The following RPS6KA2 variants were observed in gnomAD, a reference collection of about 807,000 sequenced individuals.
RPS6KA2 encodes the protein ribosomal protein S6 kinase A2.
RPS6KA2 carries 42 observed loss-of-function variants against 91.8 expected under a neutral mutation model. The ratio of observed to expected loss-of-function variants is 0.46; its 90% CI spans 0.36 to 0.59. The LOEUF is 0.59. Ranked by LOEUF, RPS6KA2 falls within the 20% of genes least tolerant of loss-of-function variation. The pLI is 0.00. For synonymous variants in RPS6KA2, 414 were observed against 393.6 expected, an observed-to-expected ratio of 1.05 and a Z score of -0.61; for missense variants, 798 against 978.5, an observed-to-expected ratio of 0.82 and a Z score of 2.46.
chr6:166,818,160 T>C (rs1384738211), intron 2 of RPS6KA2, among the ~76,000 whole-genome samples: 3 of 140,640 alleles, frequency 2.1e-5, no homozygotes, highest in African/African-American at 6.5e-5. Context: ...ATTAATATAA[T>C]GATATTATTA....
intron 6 of RPS6KA2, among the ~76,000 whole-genome samples, chr6:166,502,673 C>T (rs781156333): frequency 2.0e-4 from 30 of 152,332 alleles, no homozygotes; most frequent in Non-Finnish European, 2.6e-4. Context: ...TCTGGGATGA[C>T]CTTGGCAACG....
At chr6:166,681,692 C>CCCCCG (rs1562380114) in intron 2 of RPS6KA2, among the ~76,000 whole-genome samples, 1 of 3,074 alleles carries the variant, frequency 3.3e-4, no homozygotes, top group African/African-American at 5.5e-4. Context: ...CCCTGCCCGC[C>CCCCCG]CCCCCCCCCG....
intron 16 of RPS6KA2, among the ~76,000 whole-genome samples, chr6:166,429,962 C>T (rs59615523): frequency 0.011 from 1,501 of 142,182 alleles, 21 homozygotes; most frequent in African/African-American, 0.034. Context: ...TTTTTCTTTT[C>T]TTTTTTTTTT....
intron 14 of RPS6KA2, among the ~76,000 whole-genome samples, chr6:166,443,618 T>TA (rs1332055077): frequency 6.6e-6 from 1 of 152,232 alleles, no homozygotes; most frequent in African/African-American, 2.4e-5. Context: ...GTGAAATTCT[T>TA]ACGGTAGTGC....
intron 2 of RPS6KA2, among the ~76,000 whole-genome samples, chr6:166,777,058 G>T (rs1330813376): frequency 6.6e-6 from 1 of 152,104 alleles, no homozygotes; most frequent in African/African-American, 2.4e-5. Flanking sequence ...TCAAGCTTGG[G>T]TTTTAATATG....
chr6:166,487,552 A>G (rs1464339313), intron 10 of RPS6KA2, among the ~76,000 whole-genome samples: 1 of 152,252 alleles, frequency 6.6e-6, no homozygotes, highest in Non-Finnish European at 1.5e-5. Context: ...CTGCTTACAC[A>G]GAGGAGAACT....
chr6:166,499,971 G>A (rs1781966993), intron 7 of RPS6KA2, among the ~76,000 whole-genome samples: 1 of 152,202 alleles, frequency 6.6e-6, no homozygotes, highest in African/African-American at 2.4e-5. Context: ...GGATGACCCT[G>A]GATTTCTGGG....
intron 11 of RPS6KA2, among the ~76,000 whole-genome samples, chr6:166,468,023 C>G (rs549680042): frequency 1.3e-5 from 2 of 152,390 alleles, no homozygotes; most frequent in South Asian, 4.1e-4. Flanking sequence ...GGGTTCCAGG[C>G]ACAGTGCTGT....
At position 166,812,409 on chromosome 6, in the gene RPS6KA2, C is replaced by G. The variant is rs552920691; in HGVS notation, c.123+45791G>C. Among the ~76,000 whole-genome samples, 6 of 152,300 alleles carry G rather than the reference C, an allele frequency of 3.9e-5. No individual in the cohort carries two copies. In the East Asian group the frequency reaches 1.2e-3, roughly 29 times the overall value. ...CCAGATGTTGGCAGCTCCCTCCCAG[C>G]CCTGCCCTCCTCCCACAGCCCCCTT... is the stretch of plus-strand genomic sequence containing the variant. On this transcript the variant is annotated intron_variant, in intron 2 of 21. Coordinates refer to the RPS6KA2 transcript ENST00000503859.
chr6:166,724,270 G>A (rs770354104), intron 2 of RPS6KA2, among the ~76,000 whole-genome samples: 5 of 151,890 alleles, frequency 3.3e-5, no homozygotes, highest in Non-Finnish European at 5.9e-5. Context: ...TTTTCTTCTT[G>A]TATTTTCTGC....
chr6:166,686,295 A>G (rs1437782850), intron 2 of RPS6KA2, among the ~76,000 whole-genome samples: 1 of 152,120 alleles, frequency 6.6e-6, no homozygotes, highest in African/African-American at 2.4e-5. Context: ...GTGCAAAGCA[A>G]CCCGACCTCT....
At position 166,465,723 on chromosome 6, in the gene RPS6KA2, G is replaced by A. The variant is rs114637024; in HGVS notation, c.972+4118C>T. Among the ~76,000 whole-genome samples the A allele has an allele frequency of 6.4e-3, 972 of 152,218 alleles. 7 individuals are homozygous for A. Among genetic ancestry groups the A allele is most frequent in the African/African-American group, 0.022 (903 of 41,516 alleles). ...TCTCTTTCTGCTGGCCACTTTCACTGTGCACAAACCTCTTCCATCGGTGGA... is the reference window on the plus strand; with the variant it reads ...TCTCTTTCTGCTGGCCACTTTCACTATGCACAAACCTCTTCCATCGGTGGA... On this transcript the variant is annotated intron_variant, in intron 11 of 20. Coordinates refer to ENST00000265678, the MANE Select transcript of RPS6KA2 (RefSeq NM_021135.6).
chr6:166,510,602 T>C (rs1461128536), intron 3 of RPS6KA2, among the ~76,000 whole-genome samples: 1 of 79,946 alleles, frequency 1.3e-5, no homozygotes, highest in African/African-American at 4.3e-5. Context: ...TATATATATA[T>C]ATATATATGC....
intron 1 of RPS6KA2, among the ~76,000 whole-genome samples, chr6:166,580,207 G>A (rs1784961573): frequency 6.6e-6 from 1 of 152,216 alleles, no homozygotes; most frequent in African/African-American, 2.4e-5. Context: ...AAGCTGGAGA[G>A]GAAAGGGCCC....
intron 5 of RPS6KA2, 101 bp from the exon 6 acceptor site, chr6:166,504,713 G>T: frequency 1.2e-6 from 1 of 804,148 alleles, no homozygotes; most frequent in Non-Finnish European, 2.0e-6. Context: ...AGTCCACACT[G>T]GGGTCAGTTT....
intron 5 of RPS6KA2, among the ~76,000 whole-genome samples, chr6:166,507,946 C>G (rs1782308569): frequency 6.8e-6 from 1 of 147,494 alleles, no homozygotes; most frequent in Admixed American, 6.8e-5. Flanking sequence ...ACTCACACAG[C>G]CCCCATGCAA....
At chr6:166,416,107 C>CCACCAT (rs1778502481) in intron 19 of RPS6KA2, among the ~76,000 whole-genome samples, 1 of 17,984 alleles carries the variant, frequency 5.6e-5, no homozygotes, top group Non-Finnish European at 1.3e-4. Context: ...CCTCCACCAT[C>CCACCAT]CACCCTCACC....
chr6:166,709,369 T>C (rs915485686), intron 2 of RPS6KA2, among the ~76,000 whole-genome samples: 2 of 150,070 alleles, frequency 1.3e-5, no homozygotes, highest in Non-Finnish European at 2.9e-5. Context: ...GGCTCACGCC[T>C]GTCATCCCGG....
chr6:166,433,460 C>A lies in RPS6KA2; in HGVS notation c.1333-970G>T, dbSNP rs921800678. Among the ~76,000 whole-genome samples, 1 of 152,194 alleles carries A rather than the reference C, an allele frequency of 6.6e-6. No individual in the cohort carries two copies. The highest frequency in any genetic ancestry group is 2.4e-5 in the African/African-American group (1 of 41,440). On this transcript the variant is annotated intron_variant, in intron 14 of 20. Transcript: ENST00000265678. This position sits in a 1 kb window ranked among gnomAD's most constrained non-coding sequence, Gnocchi z 4.4. ...CTAATCCCTCTGGAGGTGCCTAAGT[C>A]CCGCCCTTGCCGCCCCTGCTGTGGG...
Sources: gnomAD v4.1 joint callset for allele counts (sites outside exome capture counted in the v4.1 genomes callset) on GRCh38, gnomAD v4.1.1 for gene constraint, Gnocchi (gnomAD v3.1) non-coding constraint, MANE v1.5 for transcripts, NCBI Gene and HGNC (gene_info 2026-07-23, HGNC 2026-07-21) for gene names.